The following C3orf49 variants were observed in gnomAD, a reference collection of about 807,000 sequenced individuals.
The protein encoded by C3orf49 is chromosome 3 open reading frame 49, also known as putative uncharacterized protein C3orf49.
C3orf49 carries 27 observed loss-of-function variants against 13.3 expected under a neutral mutation model. The observed-to-expected ratio is 2.02, with a 90% CI of 1.49 to 2.79. C3orf49 has a LOEUF of 2.79. Ranked by LOEUF, C3orf49 falls within the 30% of genes most tolerant of loss-of-function variation. The pLI is 0.00. For missense variants in C3orf49, 242 were observed against 134.2 expected, an observed-to-expected ratio of 1.80 and a Z score of -3.97; for synonymous variants, 87 against 47.6, an observed-to-expected ratio of 1.83 and a Z score of -3.40.
At chr3:63,823,766 TTGTGTGTGTGTGTG>T (rs55765936) in intron 2 of C3orf49, among the ~76,000 whole-genome samples, 197 bp downstream of exon 2, 106 of 123,056 alleles carry the variant, frequency 8.6e-4, no homozygotes, top group Admixed American at 2.9e-3. Context: ...GTTCATACCG[TTGTGTGTGTGTGTG>T]TGTGTGTGTG....
chr3:63,780,259 C>A, the C3orf49 span, among the ~76,000 whole-genome samples: 4 of 152,002 alleles, frequency 2.6e-5, no homozygotes, highest in Non-Finnish European at 5.9e-5. Flanking sequence ...TTTGTCCTTG[C>A]GATAGTTTGC....
chr3:63,828,414 C>T (rs1269600007), intron 3 of C3orf49, among the ~76,000 whole-genome samples: 1 of 152,140 alleles, frequency 6.6e-6, no homozygotes, highest in Non-Finnish European at 1.5e-5. Context: ...ATTCTCTTAC[C>T]TCAGCCTCCC....
chr3:63,839,020 A>T (rs1559603158), intron 5 of C3orf49, among the ~76,000 whole-genome samples: 1 of 152,122 alleles, frequency 6.6e-6, no homozygotes, highest in Non-Finnish European at 1.5e-5. Context: ...GTGAAACCCC[A>T]TCTCTACTAA....
chr3:63,835,051 T>C (rs1051692014), intron 5 of C3orf49: 22 of 1,133,198 alleles, frequency 1.9e-5, no homozygotes, highest in South Asian at 4.6e-5. Context: ...TGTTCAGAAA[T>C]TGAAGGTATA....
At chr3:63,846,854 G>C (rs552636782) in intron 6 of C3orf49, among the ~76,000 whole-genome samples, 1 of 152,192 alleles carries the variant, frequency 6.6e-6, no homozygotes, top group East Asian at 1.9e-4. Flanking sequence ...AGTCCCGTCC[G>C]ATCTACTTAT....
At chr3:63,821,416 T>TAATA (rs1408195390) in intron 1 of C3orf49, among the ~76,000 whole-genome samples, 1 of 152,158 alleles carries the variant, frequency 6.6e-6, no homozygotes, top group Non-Finnish European at 1.5e-5. Context: ...GTTATATATT[T>TAATA]AATACAACGT....
In C3orf49 at chr3:63,837,029, C is replaced by T. The variant is rs185000280; in HGVS notation, c.849+5185C>T. Among the ~76,000 whole-genome samples the T allele has an allele frequency of 2.0e-3, 307 of 151,818 alleles. 1 individual carries two copies. The highest frequency in any genetic ancestry group is 0.015 in the South Asian group (70 of 4,820). ...CTGTAAATAAGGCACCAAAACTTCA[C>T]CATACACATTTTAAACTGAAAAAAA... On this transcript the variant is annotated intron_variant, in intron 5 of 6. Coordinates refer to ENST00000295896, the MANE Select transcript of C3orf49 (RefSeq NM_001355236.2).
chr3:63,824,772 G>A (rs1475676616), intron 2 of C3orf49, among the ~76,000 whole-genome samples: 1 of 143,186 alleles, frequency 7.0e-6, no homozygotes. Context: ...GGGAGTCGGA[G>A]ATTGCAGTGA....
intron 5 of C3orf49, chr3:63,833,903 G>A (rs897968378): frequency 1.1e-5 from 5 of 440,850 alleles, no homozygotes; most frequent in African/African-American, 6.1e-5. Flanking sequence ...AGCATTTTTG[G>A]ATGTTGCTTC....
upstream of C3orf49, among the ~76,000 whole-genome samples, chr3:63,815,958 C>T (rs1364481287): frequency 6.6e-6 from 1 of 151,042 alleles, no homozygotes; most frequent in African/African-American, 2.4e-5. Flanking sequence ...GCTAATTTTT[C>T]TATTTTTAGT....
rs186967158 is a variant in C3orf49 at position 63,830,313 on chromosome 3, G to A, written c.571-797G>A. Among the ~76,000 whole-genome samples, 421 of 152,252 alleles carry A rather than the reference G, an allele frequency of 2.8e-3. 3 individuals carry two copies. Among genetic ancestry groups the A allele is most frequent in the Non-Finnish European group, 4.4e-3 (298 of 68,016 alleles). The stretch of plus-strand genomic sequence containing the variant: ...GGTTTTATGAAAGAGAAAAAAGAGG[G>A]GTCTTACTTTAGATAGATCAGGGAA... On this transcript the variant is annotated intron_variant, in intron 3 of 6. Transcript: ENST00000295896.
the C3orf49 span, among the ~76,000 whole-genome samples, chr3:63,795,048 G>A: frequency 7.9e-5 from 12 of 152,106 alleles, no homozygotes; most frequent in Non-Finnish European, 1.5e-4. Flanking sequence ...CCTCTGAATT[G>A]TTGCTGTTCA....
chr3:63,782,128 A>G, the C3orf49 span, among the ~76,000 whole-genome samples: 1 of 152,216 alleles, frequency 6.6e-6, no homozygotes, highest in African/African-American at 2.4e-5. Flanking sequence ...AATATTAGCC[A>G]GAATCTCCCT....
chr3:63,843,735 C>T (rs1701822596), intron 5 of C3orf49, among the ~76,000 whole-genome samples: 1 of 152,000 alleles, frequency 6.6e-6, no homozygotes, highest in African/African-American at 2.4e-5. Flanking sequence ...TCTGTCTCCA[C>T]TAAAAATACA....
the C3orf49 span, among the ~76,000 whole-genome samples, chr3:63,804,605 G>A: frequency 1.3e-5 from 2 of 152,164 alleles, no homozygotes; most frequent in African/African-American, 4.8e-5. Context: ...AGCCTGACTA[G>A]TTAAAATGTC....
At chr3:63,787,787 G>A in the C3orf49 span, among the ~76,000 whole-genome samples, 1 of 152,140 alleles carries the variant, frequency 6.6e-6, no homozygotes, top group South Asian at 2.1e-4. Context: ...ATCAACTGGT[G>A]AAGAAATATT....
At chr3:63,846,472 A>G (rs1701899123) in intron 6 of C3orf49, among the ~76,000 whole-genome samples, 2 of 152,096 alleles carry the variant, frequency 1.3e-5, no homozygotes, top group Admixed American at 6.6e-5. Flanking sequence ...CAAGGGCGCA[A>G]TCTTGGCTCA....
chr3:63,843,906 A>T (rs1176171042), intron 5 of C3orf49, among the ~76,000 whole-genome samples: 1 of 152,178 alleles, frequency 6.6e-6, no homozygotes, highest in African/African-American at 2.4e-5. Context: ...GTCTCAGAAA[A>T]AAAAAAACAA....
chr3:63,799,270 G>A, the C3orf49 span, among the ~76,000 whole-genome samples: 28 of 152,148 alleles, frequency 1.8e-4, no homozygotes, highest in African/African-American at 6.0e-4. Flanking sequence ...AGACAAATGT[G>A]TGTGGGGAAG....
Sources: allele counts gnomAD v4.1 joint callset (sites outside exome capture counted in the v4.1 genomes callset), GRCh38; gene constraint gnomAD v4.1.1; transcripts MANE v1.5; gene names NCBI Gene and HGNC (gene_info 2026-07-23, HGNC 2026-07-21).